Variants in PLA1A observed in about 807,000 individuals in gnomAD.
PLA1A encodes phospholipase A1 member A.
Under a neutral mutation model 49.4 loss-of-function variants are expected in PLA1A, and 47 were observed. The observed-to-expected ratio is 0.95, with a 90% confidence interval of 0.75 to 1.21. The LOEUF is 1.21. PLA1A is among the 50% of genes most tolerant of loss of function. The pLI is 0.00. For synonymous variants in PLA1A, 224 were observed against 207.9 expected (o/e 1.08, Z -0.67); for missense variants, 561 against 563.9 (o/e 0.99, Z 0.05).
chr3:119,601,590 T>C (rs1291529842), intron 1 of PLA1A, among the ~76,000 whole-genome samples: 1 of 152,196 alleles, frequency 6.6e-6, no homozygotes, highest in Non-Finnish European at 1.5e-5. Context: ...GGTGGCTAGG[T>C]AGAGGCAGTA....
At chr3:119,617,963 G>A (rs915336978) in intron 6 of PLA1A, 56 bp from the exon 7 acceptor site, 2 of 1,369,080 alleles carry the variant, frequency 1.5e-6, no homozygotes, top group Non-Finnish European at 2.0e-6. Flanking sequence ...TCACTAAACA[G>A]CATAGATTTC....
intron 9 of PLA1A, among the ~76,000 whole-genome samples, chr3:119,628,103 G>A (rs1376601175): frequency 1.3e-5 from 2 of 152,136 alleles, no homozygotes; most frequent in Non-Finnish European, 2.9e-5. Context: ...CAAACCCTAC[G>A]GTTCAAGTTC....
chr3:119,613,211 C>G (rs1018369402), intron 5 of PLA1A, 93 bp downstream of exon 5: 2 of 757,288 alleles, frequency 2.6e-6, no homozygotes. Flanking sequence ...GGCAGAGATG[C>G]CCTGACCCTC....
At chr3:119,606,547 A>G (rs1365255404) in intron 1 of PLA1A, among the ~76,000 whole-genome samples, 1 of 152,130 alleles carries the variant, frequency 6.6e-6, no homozygotes, top group African/African-American at 2.4e-5. Context: ...GTTGAGCAAT[A>G]TTCCTTCTCT....
At chr3:119,601,392 G>T (rs2082616819) in intron 1 of PLA1A, among the ~76,000 whole-genome samples, 2 of 152,096 alleles carry the variant, frequency 1.3e-5, no homozygotes, top group Non-Finnish European at 2.9e-5. Flanking sequence ...GGAAACATGG[G>T]TGTTACCAGG....
intron 5 of PLA1A, among the ~76,000 whole-genome samples, chr3:119,614,864 G>A (rs900309593): frequency 3.9e-5 from 6 of 152,166 alleles, no homozygotes; most frequent in Non-Finnish European, 7.4e-5. Context: ...TACAGGCTAC[G>A]TGGACTGTAG....
intron 6 of PLA1A, 23 bp downstream of exon 6, chr3:119,616,124 G>C: frequency 6.6e-7 from 1 of 1,513,434 alleles, no homozygotes; most frequent in Non-Finnish European, 9.2e-7. Flanking sequence ...GTACAATCTG[G>C]TATTTGGCAA....
At chr3:119,599,032 A>G in intron 1 of PLA1A, among the ~76,000 whole-genome samples, 1 of 152,236 alleles carries the variant, frequency 6.6e-6, no homozygotes, top group Admixed American at 6.5e-5. Context: ...CTCTGTATAG[A>G]GCAGATGTCC....
intron 4 of PLA1A, among the ~76,000 whole-genome samples, chr3:119,611,659 G>T (rs2082765597): frequency 6.6e-6 from 1 of 152,088 alleles, no homozygotes; most frequent in African/African-American, 2.4e-5. Context: ...CTCTCAGCTT[G>T]AATGTTATTG....
intron 6 of PLA1A, among the ~76,000 whole-genome samples, chr3:119,616,476 C>A (rs1351028809): frequency 6.6e-6 from 1 of 152,222 alleles, no homozygotes; most frequent in Non-Finnish European, 1.5e-5. Context: ...CATTCAATGA[C>A]TGTACATTTC....
At chr3:119,606,052 C>G (rs1050994158) in intron 1 of PLA1A, among the ~76,000 whole-genome samples, 3 of 152,172 alleles carry the variant, frequency 2.0e-5, no homozygotes, top group African/African-American at 7.2e-5. Flanking sequence ...TGAGGCTAGT[C>G]CGCAGGGCAA....
At chr3:119,621,285 T>C (rs1251394985) in intron 8 of PLA1A, among the ~76,000 whole-genome samples, 1 of 152,218 alleles carries the variant, frequency 6.6e-6, no homozygotes, top group Non-Finnish European at 1.5e-5. Flanking sequence ...CTCTTTTGTA[T>C]TTATTGTGAG....
chr3:119,629,152 A>G (rs900179175), intron 10 of PLA1A, among the ~76,000 whole-genome samples: 1 of 152,198 alleles, frequency 6.6e-6, no homozygotes, highest in African/African-American at 2.4e-5. Flanking sequence ...CAACTGTGTC[A>G]TGGGTCACAT....
rs765325885 is a variant in PLA1A at position 119,616,070 on chromosome 3, C to T, written c.723C>T (p.Asp241=). The T allele has an allele frequency of 1.4e-5, 23 of 1,613,226 alleles. No homozygotes were observed. The African/African-American group carries it at 1.6e-4, about 11-fold the overall frequency. Residue 241 remains aspartate, a synonymous_variant, in exon 6 of 11, where the codon GAC becomes GAT. Coordinates refer to ENST00000273371, the MANE Select transcript of PLA1A (RefSeq NM_015900.4). ...ACTACTTCGTCAACGGAGGCCAAGA[C>T]CAACCTGGCTGCCCCACCTTCTTTT... ...HVDYFVNGGQ[D]QPGCPTFFYA...
intron 8 of PLA1A, among the ~76,000 whole-genome samples, chr3:119,620,432 G>A (rs1341720161): frequency 6.6e-6 from 1 of 152,256 alleles, no homozygotes; most frequent in South Asian, 2.1e-4. Context: ...CAGAAGGCCT[G>A]GTGCCATATG....
intron 1 of PLA1A, 147 bp downstream of exon 1, chr3:119,598,133 C>T: frequency 2.0e-6 from 1 of 511,870 alleles, no homozygotes; most frequent in Non-Finnish European, 3.5e-6. Context: ...GGGAAAAAAA[C>T]CCCTTTTATC....
chr3:119,628,958 A>C, intron 10 of PLA1A, 93 bp downstream of exon 10: 23 of 974,538 alleles, frequency 2.4e-5, no homozygotes, highest in Non-Finnish European at 3.3e-5. Flanking sequence ...GTTCAATCTC[A>C]TCATAGTGAT....
chr3:119,620,263 T>C (rs754261669), intron 8 of PLA1A: 7 of 415,698 alleles, frequency 1.7e-5, no homozygotes, highest in Non-Finnish European at 2.9e-5. Flanking sequence ...CTTCCTGGTT[T>C]ATGCTGGTTA....
intron 1 of PLA1A, among the ~76,000 whole-genome samples, chr3:119,606,104 C>T (rs926598675): frequency 6.6e-5 from 10 of 152,188 alleles, no homozygotes; most frequent in African/African-American, 2.4e-4. Flanking sequence ...GAATTCTCTA[C>T]TAGTTTGCTA....
Sources: allele counts gnomAD v4.1 joint callset (sites outside exome capture counted in the v4.1 genomes callset), GRCh38; gene constraint gnomAD v4.1.1; transcripts MANE v1.5; gene names NCBI Gene and HGNC (gene_info 2026-07-23, HGNC 2026-07-21).